The following GABRG3 variants were observed in gnomAD, a reference collection of about 807,000 sequenced individuals.
GABRG3 encodes the protein gamma-aminobutyric acid receptor subunit gamma-3.
GABRG3 carries 25 observed loss-of-function variants against 48.8 expected under a neutral mutation model. That is an observed-to-expected ratio of 0.51 (90% CI 0.37 to 0.72). The LOEUF is 0.72. Among genes scored for constraint, GABRG3 ranks in the 30% least tolerant of loss-of-function variants. The pLI is 0.00. For synonymous variants in GABRG3, 227 were observed against 217.6 expected (o/e 1.04, Z -0.38); for missense variants, 394 against 577.9 (o/e 0.68, Z 3.26).
chr15:27,423,145 A>G (rs1334018406), intron 5 of GABRG3, among the ~76,000 whole-genome samples: 2 of 150,994 alleles, frequency 1.3e-5, no homozygotes, highest in African/African-American at 2.4e-5. Context: ...CCCAGTGTAC[A>G]TCATCAAGAG....
At chr15:27,471,685 T>C (rs550072109) in intron 5 of GABRG3, among the ~76,000 whole-genome samples, 10 of 152,328 alleles carry the variant, frequency 6.6e-5, no homozygotes, top group African/African-American at 2.2e-4. Context: ...TATTCTCATA[T>C]GTGATATAAG....
At chr15:26,972,370 G>A (rs1346957351) in intron 1 of GABRG3, among the ~76,000 whole-genome samples, 1 of 152,196 alleles carries the variant, frequency 6.6e-6, no homozygotes, top group African/African-American at 2.4e-5. Context: ...AGGATACAAG[G>A]ACAGTGGGAC....
At chr15:27,263,706 TG>T (rs1480236100) in intron 3 of GABRG3, among the ~76,000 whole-genome samples, 1 of 152,112 alleles carries the variant, frequency 6.6e-6, no homozygotes, top group African/African-American at 2.4e-5. Flanking sequence ...TTTTTATGTG[TG>T]GGGTCATACT....
In GABRG3 at chr15:27,254,637, G is replaced by A. The variant is rs1266567094; in HGVS notation, c.271-72172G>A. Among the ~76,000 whole-genome samples, 6 of 152,088 alleles carry A rather than the reference G, an allele frequency of 3.9e-5. No homozygotes were observed. In the East Asian group the frequency reaches 7.8e-4, roughly 20 times the overall value. On this transcript the variant is annotated intron_variant, in intron 3 of 9. Coordinates refer to ENST00000615808, the MANE Select transcript of GABRG3 (RefSeq NM_033223.5). ...TTTTCTCACTCTAACCTCACATGGT[G>A]GAAAGGACAAGGCCGCTCTCAGGGG... is the stretch of plus-strand genomic sequence containing the variant.
chr15:27,093,933 C>T (rs1897233412), intron 3 of GABRG3, among the ~76,000 whole-genome samples: 1 of 152,174 alleles, frequency 6.6e-6, no homozygotes, highest in African/African-American at 2.4e-5. Flanking sequence ...CATGGGACAC[C>T]TTCTCAGCCC....
intron 5 of GABRG3, among the ~76,000 whole-genome samples, chr15:27,388,170 G>C (rs1481539694): frequency 2.1e-5 from 2 of 93,310 alleles, no homozygotes; most frequent in African/African-American, 1.1e-4. Context: ...AAGGAAGGAA[G>C]GAAGGAAAGG....
chr15:26,983,124 C>T (rs1895083727), intron 2 of GABRG3, among the ~76,000 whole-genome samples: 1 of 151,564 alleles, frequency 6.6e-6, no homozygotes, highest in African/African-American at 2.4e-5. Flanking sequence ...TTCCTATAAA[C>T]ATCTGAATCC....
chr15:27,251,949 C>G (rs1046553328), intron 3 of GABRG3, among the ~76,000 whole-genome samples: 1 of 152,196 alleles, frequency 6.6e-6, no homozygotes, highest in Admixed American at 6.5e-5. Flanking sequence ...AGTAAGAGCC[C>G]TGTGAGCCTG....
intron 3 of GABRG3, among the ~76,000 whole-genome samples, chr15:27,117,377 A>C (rs560338846): frequency 2.0e-5 from 3 of 152,272 alleles, no homozygotes; most frequent in South Asian, 4.1e-4. Context: ...AGGTGCAGAT[A>C]CTAGCAGACC....
At chr15:27,249,455 A>G (rs545451382) in intron 3 of GABRG3, among the ~76,000 whole-genome samples, 8 of 152,296 alleles carry the variant, frequency 5.3e-5, no homozygotes, top group African/African-American at 1.7e-4. Context: ...CTGTTTTATC[A>G]ATGACAGATA....
intron 5 of GABRG3, among the ~76,000 whole-genome samples, chr15:27,395,869 AT>A (rs1005415354): frequency 2.0e-5 from 3 of 151,314 alleles, no homozygotes; most frequent in South Asian, 4.2e-4. Context: ...TAAATTGGAC[AT>A]TTTTTTTTGA....
rs184338252 is a variant in GABRG3, at chr15:27,345,847, A to C, written c.574+16959A>C. 3.0e-3 allele frequency among the ~76,000 whole-genome samples: 463 copies of C among 152,196 alleles called. 1 individual carries two copies. The highest frequency in any genetic ancestry group is 0.01 in the African/African-American group (433 of 41,528). ...GGCAGGGGGATCCCCTGAGGTCAGG[A>C]GTTCAAGACCAGCCTGGCCAATGTG... On this transcript the variant is annotated intron_variant, in intron 5 of 9. Coordinates refer to ENST00000615808, the MANE Select transcript of GABRG3 (RefSeq NM_033223.5).
rs79863305 is a variant in GABRG3 at position 27,268,333 on chromosome 15, T to C, written c.271-58476T>C. On this transcript the variant is annotated intron_variant, in intron 3 of 9. Coordinates refer to ENST00000615808, the MANE Select transcript of GABRG3 (RefSeq NM_033223.5). ...TTTATTGTCATAAAGTTCTTTAAAA[T>C]ATCCTCTTATTCTCCTCTTAATATA... Among the ~76,000 whole-genome samples the C allele has an allele frequency of 8.5e-3, 1,291 of 152,316 alleles. 16 individuals carry two copies. Among genetic ancestry groups the C allele is most frequent in the Non-Finnish European group, 0.012 (824 of 68,020 alleles).
intron 3 of GABRG3, among the ~76,000 whole-genome samples, chr15:27,325,258 G>A (rs1288227229): frequency 6.6e-6 from 1 of 152,148 alleles, no homozygotes; most frequent in East Asian, 1.9e-4. Context: ...CTGTCAGTGA[G>A]AGGCATGCCA....
At chr15:27,119,725 G>A (rs1344824731) in intron 3 of GABRG3, among the ~76,000 whole-genome samples, 1 of 152,162 alleles carries the variant, frequency 6.6e-6, no homozygotes, top group Non-Finnish European at 1.5e-5. Context: ...GAGGTCATTG[G>A]GTTCGTATGG....
chr15:27,008,132 A>C (rs1361999888), intron 2 of GABRG3, among the ~76,000 whole-genome samples: 4 of 152,210 alleles, frequency 2.6e-5, no homozygotes, highest in Non-Finnish European at 4.4e-5. Context: ...TTTAAAATTA[A>C]TTTAGCTAAA....
At chr15:26,991,253 C>T (rs1355322266) in intron 2 of GABRG3, among the ~76,000 whole-genome samples, 5 of 152,058 alleles carry the variant, frequency 3.3e-5, no homozygotes, top group Non-Finnish European at 1.5e-5. Flanking sequence ...GTTTCCAGGT[C>T]CTCTATTCTG....
intron 2 of GABRG3, among the ~76,000 whole-genome samples, chr15:26,979,979 T>C (rs1291846324): frequency 1.3e-5 from 2 of 152,188 alleles, no homozygotes; most frequent in African/African-American, 2.4e-5. Flanking sequence ...AGGAGATTTC[T>C]TTTCTGGGAG....
chr15:27,023,498 A>T (rs1453273016), intron 2 of GABRG3, among the ~76,000 whole-genome samples: 1 of 152,042 alleles, frequency 6.6e-6, no homozygotes, highest in Non-Finnish European at 1.5e-5. Flanking sequence ...GGAAACCAAC[A>T]TTGTACTTTC....
Sources: gnomAD v4.1 joint callset for allele counts (sites outside exome capture counted in the v4.1 genomes callset) on GRCh38, gnomAD v4.1.1 for gene constraint, MANE v1.5 for transcripts, NCBI Gene and HGNC (gene_info 2026-07-23, HGNC 2026-07-21) for gene names.